FAM13A: variants seen among roughly 807,000 people sequenced by gnomAD.
FAM13A encodes the protein family with sequence similarity 13 member A.
In FAM13A, 76 loss-of-function variants were observed where a neutral mutation model predicts 129.6. The observed-to-expected ratio is 0.59, with a 90% CI of 0.49 to 0.71. The LOEUF is 0.71. Ranked by LOEUF, FAM13A falls within the 30% of genes least tolerant of loss-of-function variation. FAM13A has a pLI of 0.00. For missense variants in FAM13A, 1,108 were observed against 1,249.3 expected (o/e 0.89, Z 1.70); for synonymous variants, 443 against 449.9 (o/e 0.98, Z 0.20).
At chr4:88,856,837 A>G (rs1214070973) in intron 6 of FAM13A, among the ~76,000 whole-genome samples, 1 of 152,240 alleles carries the variant, frequency 6.6e-6, no homozygotes, top group Non-Finnish European at 1.5e-5. Flanking sequence ...CTTCATAAGA[A>G]GAAATGTGAA....
At chr4:89,056,619 C>G (rs1172110372) in intron 1 of FAM13A, among the ~76,000 whole-genome samples, 1 of 152,172 alleles carries the variant, frequency 6.6e-6, no homozygotes, top group Admixed American at 6.6e-5. Context: ...TATAATGAAG[C>G]ATTCATGTTT....
intron 4 of FAM13A, among the ~76,000 whole-genome samples, chr4:88,979,151 A>C (rs969084237): frequency 2.6e-5 from 4 of 152,210 alleles, no homozygotes; most frequent in Non-Finnish European, 5.9e-5. Context: ...AAAATGTCAA[A>C]AGAAACAATT....
intron 11 of FAM13A, among the ~76,000 whole-genome samples, chr4:88,775,268 A>G (rs1453303394): frequency 1.3e-5 from 2 of 152,204 alleles, no homozygotes; most frequent in Non-Finnish European, 2.9e-5. Context: ...GCCAAGAACT[A>G]GATGAAGTCA....
intron 1 of FAM13A, among the ~76,000 whole-genome samples, chr4:89,045,409 C>T (rs1485115560): frequency 6.6e-6 from 1 of 152,124 alleles, no homozygotes; most frequent in Non-Finnish European, 1.5e-5. Context: ...CCACTTTATG[C>T]CCCATTTCCA....
chr4:88,990,633 A>T, intron 4 of FAM13A: 1 of 182,804 alleles, frequency 5.5e-6, no homozygotes, highest in Non-Finnish European at 1.1e-5. Flanking sequence ...TATTTAAAAA[A>T]TTATTCACTA....
chr4:88,849,968 T>C (rs1049110404), intron 7 of FAM13A, among the ~76,000 whole-genome samples: 1 of 152,208 alleles, frequency 6.6e-6, no homozygotes, highest in Non-Finnish European at 1.5e-5. Context: ...TCTCTTCCTA[T>C]CTAAATTATC....
intron 6 of FAM13A, chr4:88,905,539 G>C (rs1477175878): frequency 6.6e-6 from 1 of 152,030 alleles, no homozygotes; most frequent in Non-Finnish European, 1.5e-5. Context: ...TATCTTTTCT[G>C]TTTCTCTTCC....
At chr4:88,837,474 G>A (rs1421711252) in intron 7 of FAM13A, among the ~76,000 whole-genome samples, 2 of 150,844 alleles carry the variant, frequency 1.3e-5, no homozygotes, top group Non-Finnish European at 2.9e-5. Flanking sequence ...CCACCACTTT[G>A]GGAGGCCGAG....
intron 5 of FAM13A, among the ~76,000 whole-genome samples, chr4:88,921,766 A>C (rs1751132786): frequency 1.3e-5 from 2 of 152,204 alleles, no homozygotes; most frequent in Non-Finnish European, 2.9e-5. Context: ...AAATTGGATA[A>C]AGAGTCAAGA....
At chr4:89,011,311 T>A (rs1765701638) in intron 3 of FAM13A, among the ~76,000 whole-genome samples, 1 of 152,232 alleles carries the variant, frequency 6.6e-6, no homozygotes, top group Non-Finnish European at 1.5e-5. Context: ...ACTGAGATTA[T>A]ACTTGATGTC....
At chr4:88,988,325 T>G (rs532357730) in intron 4 of FAM13A, among the ~76,000 whole-genome samples, 28 of 152,308 alleles carry the variant, frequency 1.8e-4, no homozygotes, top group African/African-American at 6.5e-4. Context: ...TTGGATCGTC[T>G]TCTGAGAAAA....
chr4:88,899,744 A>G, intron 6 of FAM13A, among the ~76,000 whole-genome samples: 1 of 152,024 alleles, frequency 6.6e-6, no homozygotes, highest in East Asian at 1.9e-4. Flanking sequence ...TGACTGCAAC[A>G]CCTCTCCAGC....
At chr4:88,891,533 T>C (rs1745317127) in intron 6 of FAM13A, among the ~76,000 whole-genome samples, 1 of 152,192 alleles carries the variant, frequency 6.6e-6, no homozygotes, top group African/African-American at 2.4e-5. Context: ...CTTAGAAACA[T>C]GGATACAACC....
intron 11 of FAM13A, chr4:88,768,322 T>A (rs983199904): frequency 1.3e-4 from 36 of 281,790 alleles, no homozygotes; most frequent in Non-Finnish European, 2.2e-4. Context: ...CCCTATAATG[T>A]CTCCCTTAGG....
chr4:89,032,718 C>G (rs1218928440), intron 1 of FAM13A, among the ~76,000 whole-genome samples: 1 of 152,306 alleles, frequency 6.6e-6, no homozygotes, highest in African/African-American at 2.4e-5. Context: ...TTAGTCTCCA[C>G]TTGTCCTTTT....
intron 6 of FAM13A, among the ~76,000 whole-genome samples, chr4:88,856,339 C>T (rs1418581845): frequency 6.6e-6 from 1 of 151,708 alleles, no homozygotes; most frequent in African/African-American, 2.4e-5. Context: ...AAAAAAATAG[C>T]CAGGCCTTGT....
At chr4:88,883,940 C>A (rs1744006369) in intron 6 of FAM13A, among the ~76,000 whole-genome samples, 1 of 151,994 alleles carries the variant, frequency 6.6e-6, no homozygotes, top group Non-Finnish European at 1.5e-5. Flanking sequence ...TGGAAACAGA[C>A]AACCCTCCTA....
intron 3 of FAM13A, among the ~76,000 whole-genome samples, chr4:89,002,108 T>C (rs1340750014): frequency 2.0e-5 from 3 of 149,714 alleles, no homozygotes; most frequent in Middle Eastern, 3.5e-3. Flanking sequence ...TATGTGTTTA[T>C]CTAGTCTTCC....
At chr4:88,930,867 C>T (rs1248073702) in intron 5 of FAM13A, among the ~76,000 whole-genome samples, 16 of 152,202 alleles carry the variant, frequency 1.1e-4, no homozygotes, top group East Asian at 1.9e-4. Context: ...GTCCCACAGC[C>T]GCTTATAGCA....
Sources: gnomAD v4.1 joint callset for allele counts (sites outside exome capture counted in the v4.1 genomes callset) on GRCh38, gnomAD v4.1.1 for gene constraint, MANE v1.5 for transcripts, NCBI Gene and HGNC (gene_info 2026-07-23, HGNC 2026-07-21) for gene names.